The following DSCAM variants were observed in gnomAD, a reference collection of about 807,000 sequenced individuals.
The protein encoded by DSCAM is DS cell adhesion molecule.
A neutral mutation model predicts 217.7 loss-of-function variants in DSCAM; 47 were observed. The ratio of observed to expected loss-of-function variants is 0.22; its 90% confidence interval spans 0.17 to 0.28. The LOEUF is 0.28. Ranked by LOEUF, DSCAM falls within the 10% of genes least tolerant of loss-of-function variation. The probability of loss-of-function intolerance (pLI) is 1.00; values close to 1 mark genes in which losing one functional copy is unlikely to be tolerated. For missense variants in DSCAM, 2,080 were observed against 2,618.3 expected (o/e 0.79, Z 4.49); for synonymous variants, 1,056 against 1,015.3 (o/e 1.04, Z -0.76).
At chr21:40,680,067 A>G (rs554966722) in intron 3 of DSCAM, among the ~76,000 whole-genome samples, 18 of 152,322 alleles carry the variant, frequency 1.2e-4, no homozygotes, top group African/African-American at 4.3e-4. Context: ...CTGTGCTAAG[A>G]ACTTTACCTA....
At chr21:40,821,026 A>T (rs988660339) in intron 1 of DSCAM, among the ~76,000 whole-genome samples, 3 of 150,494 alleles carry the variant, frequency 2.0e-5, no homozygotes, top group African/African-American at 7.3e-5. Context: ...GGCTTCGCAG[A>T]TATATATATA....
At chr21:40,338,036 C>A in intron 8 of DSCAM, 65 bp downstream of exon 8, 2 of 1,573,762 alleles carry the variant, frequency 1.3e-6, no homozygotes, top group Admixed American at 1.7e-5. Flanking sequence ...GACTTCAAAT[C>A]ATTGGTCTGG....
At chr21:40,733,008 A>AT (rs980894610) in intron 1 of DSCAM, among the ~76,000 whole-genome samples, 1 of 152,118 alleles carries the variant, frequency 6.6e-6, no homozygotes, top group Non-Finnish European at 1.5e-5. Context: ...ACTCTCATCT[A>AT]TTTTTTTCTT....
chr21:40,181,175 C>T (rs189879338), intron 14 of DSCAM, among the ~76,000 whole-genome samples: 13 of 152,148 alleles, frequency 8.5e-5, no homozygotes, highest in East Asian at 1.9e-4. Context: ...TTGTGTTTTA[C>T]GCCTAAGAAC....
At chr21:40,735,550 C>T (rs1318845724) in intron 1 of DSCAM, among the ~76,000 whole-genome samples, 1 of 152,140 alleles carries the variant, frequency 6.6e-6, no homozygotes, top group African/African-American at 2.4e-5. Context: ...TTGTGCAGTA[C>T]CCACCTACAT....
At chr21:40,621,545 T>C (rs1221883294) in intron 3 of DSCAM, 1 of 152,072 alleles carries the variant, frequency 6.6e-6, no homozygotes, top group Non-Finnish European at 1.5e-5. Flanking sequence ...GGCCAGGCCA[T>C]GGCTGCTAAG....
chr21:40,327,885 T>C (rs1452092118), intron 8 of DSCAM, among the ~76,000 whole-genome samples: 1 of 152,004 alleles, frequency 6.6e-6, no homozygotes, highest in African/African-American at 2.4e-5. Flanking sequence ...AAGAAAACAA[T>C]CTCATTTACA....
intron 20 of DSCAM, among the ~76,000 whole-genome samples, chr21:40,123,427 C>G (rs961911043): frequency 6.6e-6 from 1 of 152,206 alleles, no homozygotes; most frequent in Non-Finnish European, 1.5e-5. Flanking sequence ...ATGGCACCTG[C>G]TGCAGAAAAT....
At chr21:40,551,631 T>G (rs1056484692) in intron 3 of DSCAM, among the ~76,000 whole-genome samples, 6 of 152,226 alleles carry the variant, frequency 3.9e-5, no homozygotes, top group African/African-American at 1.4e-4. Context: ...AAGACAGCTT[T>G]GCAGAACCAT....
chr21:40,374,706 T>G (rs1422658603), intron 3 of DSCAM, among the ~76,000 whole-genome samples: 1 of 152,214 alleles, frequency 6.6e-6, no homozygotes, highest in Non-Finnish European at 1.5e-5. Context: ...ATAAAGCTTT[T>G]GGGAAGTAAT....
intron 2 of DSCAM, among the ~76,000 whole-genome samples, chr21:40,702,445 C>T (rs1190025873): frequency 6.6e-6 from 1 of 152,100 alleles, no homozygotes; most frequent in East Asian, 1.9e-4. Context: ...AGCTTTCTTT[C>T]AGTGGTTTAC....
intron 29 of DSCAM, among the ~76,000 whole-genome samples, chr21:40,052,406 T>C (rs545373038): frequency 1.3e-5 from 2 of 152,302 alleles, no homozygotes; most frequent in South Asian, 2.1e-4. Context: ...TAAGCTAACA[T>C]TGATTTGAAC....
At chr21:40,188,929 T>G in intron 12 of DSCAM, 113 bp downstream of exon 12, 1 of 1,089,054 alleles carries the variant, frequency 9.2e-7, no homozygotes, top group Non-Finnish European at 1.4e-6. Context: ...TAGTGCTTCG[T>G]AAATAAATTC....
intron 17 of DSCAM, among the ~76,000 whole-genome samples, chr21:40,143,582 G>A (rs975901937): frequency 2.6e-5 from 4 of 152,302 alleles, no homozygotes; most frequent in African/African-American, 7.2e-5. Context: ...ACGAGGTCAG[G>A]AGATCGAGAC....
intron 3 of DSCAM, among the ~76,000 whole-genome samples, chr21:40,456,397 T>C (rs906747895): frequency 3.3e-5 from 5 of 152,056 alleles, no homozygotes; most frequent in East Asian, 1.9e-4. Context: ...ATAACATCTA[T>C]GAAATTCTCA....
intron 3 of DSCAM, among the ~76,000 whole-genome samples, chr21:40,561,230 A>G (rs1367704457): frequency 1.3e-5 from 2 of 152,200 alleles, no homozygotes; most frequent in Non-Finnish European, 2.9e-5. Flanking sequence ...GATGATGGTA[A>G]CAGTCTAAAA....
At chr21:40,616,387 C>G (rs1244392944) in intron 3 of DSCAM, among the ~76,000 whole-genome samples, 7 of 152,138 alleles carry the variant, frequency 4.6e-5, no homozygotes, top group Non-Finnish European at 8.8e-5. Context: ...TTGGTTCGTA[C>G]CAAGTCAATA....
intron 8 of DSCAM, among the ~76,000 whole-genome samples, chr21:40,316,174 T>C (rs1177168765): frequency 6.6e-6 from 1 of 152,212 alleles, no homozygotes; most frequent in Non-Finnish European, 1.5e-5. Context: ...AAGAAAAGTT[T>C]AGTCATAAGG....
intron 20 of DSCAM, among the ~76,000 whole-genome samples, chr21:40,117,530 T>C (rs1005555262): frequency 3.3e-5 from 5 of 152,186 alleles, no homozygotes; most frequent in Admixed American, 2.0e-4. Flanking sequence ...ATAACAATCA[T>C]AACACCTCCT....
Sources: gnomAD v4.1 joint callset for allele counts (sites outside exome capture counted in the v4.1 genomes callset) on GRCh38, gnomAD v4.1.1 for gene constraint, MANE v1.5 for transcripts, NCBI Gene and HGNC (gene_info 2026-07-23, HGNC 2026-07-21) for gene names.